KTN1: variants seen among roughly 807,000 people sequenced by gnomAD.
The protein encoded by KTN1 is kinectin 1.
Under a neutral mutation model 222.5 loss-of-function variants are expected in KTN1, and 130 were observed. The ratio of observed to expected loss-of-function variants is 0.58; its 90% confidence interval spans 0.51 to 0.68. KTN1 has a LOEUF of 0.68. KTN1 is among the 30% of genes least tolerant of loss of function. The pLI, the probability that KTN1 is intolerant of heterozygous loss-of-function variation, is 0.00. For missense variants in KTN1, 1,508 were observed against 1,500.4 expected, an observed-to-expected ratio of 1.01 and a Z score of -0.08; for synonymous variants, 512 against 496.3, an observed-to-expected ratio of 1.03 and a Z score of -0.42.
chr14:55,609,050 A>C (rs1206145794), intron 1 of KTN1, among the ~76,000 whole-genome samples: 1 of 151,932 alleles, frequency 6.6e-6, no homozygotes, highest in Non-Finnish European at 1.5e-5. Flanking sequence ...AAAAAAAAAA[A>C]ACAGGATACA....
At chr14:55,657,617 A>C (rs924579615) in intron 29 of KTN1, among the ~76,000 whole-genome samples, 1 of 152,160 alleles carries the variant, frequency 6.6e-6, no homozygotes, top group Non-Finnish European at 1.5e-5. Flanking sequence ...CTACGATCAT[A>C]AAAATGTATT....
intron 1 of KTN1, among the ~76,000 whole-genome samples, chr14:55,587,476 T>C (rs927761197): frequency 3.3e-5 from 5 of 152,172 alleles, no homozygotes; most frequent in African/African-American, 1.2e-4. Flanking sequence ...TGAAATAAAT[T>C]TGGACAAGCT....
chr14:55,629,174 T>C (rs1042091042), intron 6 of KTN1, among the ~76,000 whole-genome samples: 1 of 152,082 alleles, frequency 6.6e-6, no homozygotes, highest in Admixed American at 6.5e-5. Flanking sequence ...CCCAGCACTT[T>C]GGGAGGCTGA....
chr14:55,581,641 G>A (rs764010194), intron 1 of KTN1, among the ~76,000 whole-genome samples: 3 of 152,170 alleles, frequency 2.0e-5, no homozygotes, highest in Non-Finnish European at 4.4e-5. Context: ...TTGTATAGGA[G>A]TTGACTTAAA....
chr14:55,671,209 T>TG (rs939959727), intron 35 of KTN1: 9 of 253,756 alleles, frequency 3.5e-5, no homozygotes, highest in Non-Finnish European at 5.2e-5. Context: ...CTACTGAAAT[T>TG]GGGGGGGATT....
In KTN1 at chr14:55,637,725, C is replaced by T. The variant is rs981420814; in HGVS notation, c.1717-54C>T. ...ACCTATAATACATTGTGTTCATATA[C>T]ATGGGGTTATTTATTAGCATGCTTT... On this transcript the variant is annotated intron_variant, in intron 11 of 43. Transcript: ENST00000395314. 4 of 1,258,450 alleles carry T rather than the reference C, an allele frequency of 3.2e-6. 1 individual carries two copies. The highest frequency in any genetic ancestry group is 1.3e-5 in the South Asian group (1 of 78,572). 78.0% of individuals were successfully genotyped at this position (1,258,450 alleles called of 1,614,324 possible).
At chr14:55,625,026 G>A (rs1267609678) in intron 5 of KTN1, among the ~76,000 whole-genome samples, 1 of 152,180 alleles carries the variant, frequency 6.6e-6, no homozygotes, top group African/African-American at 2.4e-5. Flanking sequence ...GGGATGTTAT[G>A]TTGTGTGAGT....
intron 32 of KTN1, chr14:55,663,022 C>T (rs1241875293): frequency 1.1e-5 from 5 of 454,908 alleles, no homozygotes; most frequent in African/African-American, 2.0e-5. Context: ...AGTTTTGCCA[C>T]TTCGTTTTCT....
intron 1 of KTN1, among the ~76,000 whole-genome samples, chr14:55,599,000 T>A (rs1158325156): frequency 2.0e-5 from 3 of 152,196 alleles, no homozygotes; most frequent in Non-Finnish European, 4.4e-5. Context: ...TTCTTTCATA[T>A]TTTCCCTTAT....
chr14:55,641,242 A>G, intron 17 of KTN1, 34 bp downstream of exon 17: 7 of 1,254,110 alleles, frequency 5.6e-6, no homozygotes, highest in South Asian at 1.4e-5. Context: ...CAGGTTTCTT[A>G]GAACAACCTT....
At chr14:55,652,498 A>G (rs977623151) in intron 25 of KTN1, among the ~76,000 whole-genome samples, 1 of 147,540 alleles carries the variant, frequency 6.8e-6, no homozygotes, top group Non-Finnish European at 1.5e-5. Flanking sequence ...TCCCGGGTTC[A>G]AGTGATTGTC....
chr14:55,645,968 T>C (rs2042239720), intron 18 of KTN1, among the ~76,000 whole-genome samples: 1 of 151,950 alleles, frequency 6.6e-6, no homozygotes, highest in Non-Finnish European at 1.5e-5. Flanking sequence ...ACTAGCAAGA[T>C]TGGGAAAGAG....
chr14:55,641,554 T>A, intron 17 of KTN1, 138 bp from the exon 18 acceptor site: 2 of 697,006 alleles, frequency 2.9e-6, no homozygotes, highest in South Asian at 3.2e-5. Context: ...AAATTTGAAT[T>A]ATGTCAGTGT....
chr14:55,641,019 A>T, intron 16 of KTN1, 49 bp downstream of exon 16: 1 of 1,538,446 alleles, frequency 6.5e-7, no homozygotes, highest in Non-Finnish European at 9.0e-7. Context: ...ATGTTTAATT[A>T]TAATTGTTGC....
At chr14:55,653,831 A>C (rs551492097) in intron 28 of KTN1, among the ~76,000 whole-genome samples, 1 of 152,144 alleles carries the variant, frequency 6.6e-6, no homozygotes, top group Non-Finnish European at 1.5e-5. Flanking sequence ...CATTTTTTCA[A>C]TTATTCTTTC....
At chr14:55,617,894 T>G (rs2038614451) in intron 3 of KTN1, 70 bp from the exon 4 acceptor site, 1 of 1,121,658 alleles carries the variant, frequency 8.9e-7, no homozygotes, top group Non-Finnish European at 1.3e-6. Flanking sequence ...TATCATTAAA[T>G]TATGCTTGCA....
intron 1 of KTN1, among the ~76,000 whole-genome samples, chr14:55,593,831 TC>T (rs1414110826): frequency 1.3e-5 from 2 of 152,036 alleles, no homozygotes; most frequent in African/African-American, 2.4e-5. Context: ...TCCTCCCCTC[TC>T]TTTTTTTACC....
intron 1 of KTN1, among the ~76,000 whole-genome samples, chr14:55,584,005 T>C (rs1360807848): frequency 2.0e-5 from 3 of 152,208 alleles, no homozygotes; most frequent in African/African-American, 4.8e-5. Flanking sequence ...GCCATTCTTA[T>C]CTCTTACCTA....
intron 41 of KTN1, among the ~76,000 whole-genome samples, chr14:55,677,619 C>T (rs748169621): frequency 2.0e-5 from 3 of 152,020 alleles, no homozygotes; most frequent in African/African-American, 2.4e-5. Context: ...GTGGACAAAT[C>T]CCAAAGCTTT....
Sources: allele counts gnomAD v4.1 joint callset (sites outside exome capture counted in the v4.1 genomes callset), GRCh38; gene constraint gnomAD v4.1.1; transcripts MANE v1.5; gene names NCBI Gene and HGNC (gene_info 2026-07-23, HGNC 2026-07-21).